The following EGFR variants were observed in gnomAD, a reference collection of about 807,000 sequenced individuals.
The protein encoded by EGFR is avian erythroblastic leukemia viral (v-erb-b) oncogene homolog.
In EGFR, 58 loss-of-function variants were observed where a neutral mutation model predicts 143.0. The observed-to-expected ratio is 0.41, with a 90% confidence interval of 0.33 to 0.50. The LOEUF is 0.50. Ranked by LOEUF, EGFR falls within the 20% of genes least tolerant of loss-of-function variation. EGFR has a pLI of 0.39. For missense variants in EGFR, 1,307 were observed against 1,579.0 expected, an observed-to-expected ratio of 0.83 and a Z score of 2.92; for synonymous variants, 613 against 594.4, an observed-to-expected ratio of 1.03 and a Z score of -0.45.
At chr7:55,100,172 G>C (rs1791721377) in intron 1 of EGFR, among the ~76,000 whole-genome samples, 1 of 152,216 alleles carries the variant, frequency 6.6e-6, no homozygotes, top group Admixed American at 6.5e-5. Context: ...TACGATGCCT[G>C]ACAGTGCCCA....
chr7:55,161,786 G>A (rs1346955045), intron 13 of EGFR, among the ~76,000 whole-genome samples, 155 bp downstream of exon 13: 1 of 152,220 alleles, frequency 6.6e-6, no homozygotes, highest in East Asian at 1.9e-4. Context: ...GAGACGGGAA[G>A]TTGTTTGATT....
At chr7:55,203,398 C>T (rs1023512454) in intron 27 of EGFR, among the ~76,000 whole-genome samples, 2 of 143,964 alleles carry the variant, frequency 1.4e-5, no homozygotes, top group Non-Finnish European at 3.0e-5. Flanking sequence ...TACAGACACA[C>T]CACACACACG....
In EGFR at chr7:55,156,644, C is replaced by T. The variant is rs2128938429; in HGVS notation, c.1118C>T (p.Pro373Leu). ...TSISGDLHIL[P>L]VAFRGDSFTH... ...ATCAGTGGCGATCTCCACATCCTGC[C>T]GGTGGCATTTAGGGGGTGAGTCACA... is the stretch of plus-strand genomic sequence containing the variant. The change falls in exon 9 of 28, where the codon CCG (proline) becomes CTG (leucine). Residue 373 changes from proline (P) to leucine (L), a missense_variant. Pro to Leu is a moderately conservative substitution (Grantham distance 98, BLOSUM62 -3). Coordinates refer to ENST00000275493, the MANE Select transcript of EGFR (RefSeq NM_005228.5). 1.9e-6 allele frequency: 3 copies of T among 1,614,192 alleles called. No individual in the cohort carries two copies. The highest frequency in any genetic ancestry group is 2.5e-6 in the Non-Finnish European group (3 of 1,180,042).
At chr7:55,090,008 G>A (rs549413805) in intron 1 of EGFR, among the ~76,000 whole-genome samples, 104 of 151,730 alleles carry the variant, frequency 6.9e-4, no homozygotes, top group African/African-American at 2.3e-3. Flanking sequence ...TCACTCTGTT[G>A]CCCAGGCTGG....
At chr7:55,089,622 C>T (rs572637274) in intron 1 of EGFR, among the ~76,000 whole-genome samples, 1 of 152,310 alleles carries the variant, frequency 6.6e-6, no homozygotes, top group Admixed American at 6.5e-5. Flanking sequence ...ATGCTGTCAT[C>T]GAACTTAAAA....
intron 1 of EGFR, among the ~76,000 whole-genome samples, chr7:55,119,873 C>A (rs1239496387): frequency 6.6e-6 from 1 of 152,214 alleles, no homozygotes; most frequent in Non-Finnish European, 1.5e-5. Flanking sequence ...GCACAACCAT[C>A]CCTGGAGTGT....
At chr7:55,181,019 A>G in intron 19 of EGFR, 1 of 564,080 alleles carries the variant, frequency 1.8e-6, no homozygotes, top group Non-Finnish European at 3.2e-6. Context: ...TCCTTTATCC[A>G]ATGTGCTCCT....
intron 1 of EGFR, among the ~76,000 whole-genome samples, chr7:55,091,890 A>ACACACACC (rs1343006974): frequency 5.2e-5 from 5 of 96,640 alleles, no homozygotes; most frequent in Non-Finnish European, 1.1e-4. Flanking sequence ...ACACACACAC[A>ACACACACC]CCCTGAGAGA....
chr7:55,140,020 A>C (rs1250865123), intron 1 of EGFR, among the ~76,000 whole-genome samples: 5 of 151,854 alleles, frequency 3.3e-5, no homozygotes, highest in African/African-American at 1.2e-4. Context: ...ATTTATTCAA[A>C]AAGTGCTAAA....
At chr7:55,042,784 T>C (rs1294835558) in intron 1 of EGFR, among the ~76,000 whole-genome samples, 1 of 152,114 alleles carries the variant, frequency 6.6e-6, no homozygotes, top group African/African-American at 2.4e-5. Context: ...TGGAGATGCG[T>C]ATTGTCTTGA....
chr7:55,201,212 A>C lies in EGFR; in HGVS notation c.2971A>C (p.Ser991Arg), dbSNP rs748011710. Residue 991 changes from serine to arginine, a missense_variant, in exon 25 of 28, where the codon AGT (serine) becomes CGT (arginine). Ser to Arg is a moderately radical substitution (Grantham distance 110). Transcript: ENST00000275493. ...GGGGGATGAAAGAATGCATTTGCCA[A>C]GTCCTACAGACTCCAACTTCTACCG... ...IQGDERMHLP[S>R]PTDSNFYRAL... 1 of 1,614,190 alleles carries C rather than the reference A, an allele frequency of 6.2e-7. No homozygotes were observed. Among genetic ancestry groups the C allele is most frequent in the Non-Finnish European group, 8.5e-7 (1 of 1,180,038 alleles).
At position 55,165,294 on chromosome 7, in the gene EGFR, T is replaced by C. The variant is rs776359891; in HGVS notation, c.1737T>C (p.Cys579=). The change falls in exon 15 of 28, where the codon TGT becomes TGC. Residue 579 remains cysteine (C), a synonymous_variant. Transcript: ENST00000275493. ...CCTTGGTGCAGGGACCAGACAACTG[T>C]ATCCAGTGTGCCCACTACATTGACG... ...ITCTGRGPDN[C]IQCAHYIDGP... 1.2e-6 allele frequency: 2 copies of C among 1,614,180 alleles called. No individual in the cohort carries two copies. Among genetic ancestry groups the C allele is most frequent in the South Asian group, 2.2e-5 (2 of 91,082 alleles).
At chr7:55,123,952 G>A (rs1273526481) in intron 1 of EGFR, among the ~76,000 whole-genome samples, 1 of 152,102 alleles carries the variant, frequency 6.6e-6, no homozygotes, top group Non-Finnish European at 1.5e-5. Context: ...TTGTGTACAT[G>A]TATGTGTGTT....
At chr7:55,052,846 T>C (rs1181611938) in intron 1 of EGFR, among the ~76,000 whole-genome samples, 1 of 152,220 alleles carries the variant, frequency 6.6e-6, no homozygotes, top group African/African-American at 2.4e-5. Flanking sequence ...GGAGCCGTTC[T>C]GAAAAAGAAG....
chr7:55,086,338 A>G (rs777338339), intron 1 of EGFR, among the ~76,000 whole-genome samples: 10 of 149,130 alleles, frequency 6.7e-5, no homozygotes, highest in Admixed American at 1.3e-4. Context: ...TAATGCAGAA[A>G]AGTGAGGTTA....
At chr7:55,079,174 G>A (rs965978850) in intron 1 of EGFR, among the ~76,000 whole-genome samples, 7 of 152,142 alleles carry the variant, frequency 4.6e-5, no homozygotes, top group African/African-American at 1.7e-4. Context: ...GGCGGGGGCG[G>A]GAAAACTTAC....
intron 1 of EGFR, among the ~76,000 whole-genome samples, chr7:55,102,107 G>A (rs1328667551): frequency 6.6e-6 from 1 of 152,066 alleles, no homozygotes; most frequent in African/African-American, 2.4e-5. Context: ...CCCTGCCTCT[G>A]CCCTGCAGGT....
At position 55,144,196 on chromosome 7, in the gene EGFR, A is replaced by G. The variant is rs530215986; in HGVS notation, c.424+708A>G. ...GCCCCTTGACTTATGATGGCATCCT[A>G]TCTGGCTGGACCCCGCCGAGGGTGA... On this transcript the variant is annotated intron_variant, in intron 3 of 27. Transcript: ENST00000275493. 7.2e-5 allele frequency among the ~76,000 whole-genome samples: 11 copies of G among 152,316 alleles called. No homozygotes were observed. The South Asian group carries it at 2.3e-3, about 32-fold the overall frequency.
intron 19 of EGFR, among the ~76,000 whole-genome samples, chr7:55,176,816 TGATATATATTTAGAGA>T (rs11276204): frequency 0.33 from 47,162 of 144,342 alleles, 8,230 homozygotes; most frequent in East Asian, 0.61. Context: ...TAAATATATA[TGATATATATTTAGAGA>T]GATATATATT....
Sources: gnomAD v4.1 joint callset for allele counts (sites outside exome capture counted in the v4.1 genomes callset) on GRCh38, gnomAD v4.1.1 for gene constraint, MANE v1.5 for transcripts, NCBI Gene and HGNC (gene_info 2026-07-23, HGNC 2026-07-21) for gene names.